The following IARS2 variants were observed in gnomAD, a reference collection of about 807,000 sequenced individuals.
IARS2 encodes isoleucyl-tRNA synthetase 2, mitochondrial, also known as isoleucine--tRNA ligase, mitochondrial.
In IARS2, 56 loss-of-function variants were observed where a neutral mutation model predicts 126.3. The ratio of observed to expected loss-of-function variants is 0.44; its 90% confidence interval spans 0.36 to 0.55. The LOEUF is 0.55. Among genes scored for constraint, IARS2 ranks in the 20% least tolerant of loss-of-function variants. The probability of loss-of-function intolerance (pLI) is 0.00; values close to 1 mark genes in which losing one functional copy is unlikely to be tolerated. For synonymous variants in IARS2, 407 were observed against 441.1 expected, an observed-to-expected ratio of 0.92 and a Z score of 0.97; for missense variants, 1,127 against 1,245.9, an observed-to-expected ratio of 0.90 and a Z score of 1.44.
intron 13 of IARS2, among the ~76,000 whole-genome samples, chr1:220,125,966 G>GT (rs1657146790): frequency 6.6e-6 from 1 of 151,794 alleles, no homozygotes; most frequent in Admixed American, 6.6e-5. Context: ...AATTAGCTGG[G>GT]TGCGATGGTG....
chr1:220,098,747 G>A (rs1035504983), intron 2 of IARS2, among the ~76,000 whole-genome samples: 13 of 152,192 alleles, frequency 8.5e-5, no homozygotes, highest in Middle Eastern at 3.4e-3. Context: ...TGATACTGAG[G>A]AGTTAGTAAA....
In IARS2 at chr1:220,102,414, T is replaced by C; in HGVS notation, c.749+2T>C. 1 of 1,613,600 alleles carries C rather than the reference T, an allele frequency of 6.2e-7. No individual in the cohort carries two copies. The highest frequency in any genetic ancestry group is 1.1e-5 in the South Asian group (1 of 90,904). On this transcript the variant is annotated splice_donor_variant, in intron 5 of 22. Transcript: ENST00000366922. LOFTEE classifies it high-confidence loss of function. ...TGTGTTTTGGTCTCCGTCATCTAGG[T>C]ATATATGCATTTTTCGGTAATTAAA...
chr1:220,105,703 G>A (rs1473007673), intron 8 of IARS2, among the ~76,000 whole-genome samples, 188 bp from the exon 9 acceptor site: 3 of 152,144 alleles, frequency 2.0e-5, no homozygotes, highest in Non-Finnish European at 4.4e-5. Flanking sequence ...TCTGAGGTGG[G>A]AACCATAATT....
chr1:220,139,471 T>G (rs560978578), intron 18 of IARS2, among the ~76,000 whole-genome samples: 7 of 152,344 alleles, frequency 4.6e-5, no homozygotes, highest in African/African-American at 7.2e-5. Flanking sequence ...GTTTTCTGGC[T>G]GGGTGTGGAA....
Position 220,134,521 on chromosome 1 carries a change from A to T in IARS2, c.1946+11A>T. The stretch of plus-strand genomic sequence containing the variant: ...GAGAGCACCTTATAAGTAAGTATTT[A>T]TGCCTGAACCAACCTGCTGAGTACC... On this transcript the variant is annotated intron_variant, in intron 15 of 22. Coordinates refer to ENST00000366922, the MANE Select transcript of IARS2 (RefSeq NM_018060.4). The T allele has an allele frequency of 1.3e-6, 2 of 1,571,496 alleles. No homozygotes were observed. Among genetic ancestry groups the T allele is most frequent in the Non-Finnish European group, 1.7e-6 (2 of 1,145,542 alleles).
At position 220,126,864 on chromosome 1, in the gene IARS2, T is replaced by C. The variant is rs145161844; in HGVS notation, c.1837+21T>C. The C allele has an allele frequency of 1.2e-4, 189 of 1,527,870 alleles. 1 individual carries two copies. The African/African-American group carries it at 2.0e-3, about 16-fold the overall frequency. The allele number at this position is 1,527,870 out of a possible 1,614,324, so 94.6% of individuals were successfully genotyped here. A position where few individuals can be genotyped will look rare whatever the true frequency, so the allele number is the denominator to read the frequency against. On this transcript the variant is annotated intron_variant, in intron 14 of 22. Transcript: ENST00000366922. ...TCCAGGTAATTCTTAAAAATAGATA[T>C]ATGCCGATCAAGAAGTTTTGAAAAT...
intron 12 of IARS2, among the ~76,000 whole-genome samples, chr1:220,116,114 C>T (rs1343599690): frequency 1.3e-5 from 2 of 152,000 alleles, no homozygotes; most frequent in Admixed American, 6.6e-5. Context: ...GAGGCTAAGG[C>T]GAGAGGATCG....
intron 14 of IARS2, among the ~76,000 whole-genome samples, chr1:220,127,624 AC>A (rs1657180968): frequency 6.6e-6 from 1 of 152,214 alleles, no homozygotes; most frequent in Non-Finnish European, 1.5e-5. Context: ...TCACACTCCT[AC>A]TAAGGGCCAG....
intron 15 of IARS2, among the ~76,000 whole-genome samples, chr1:220,135,122 A>G (rs2102837525): frequency 6.6e-6 from 1 of 152,260 alleles, no homozygotes; most frequent in African/African-American, 2.4e-5. Context: ...GTAGGGAAGG[A>G]TATTCAAGGT....
rs550361327 is a variant in IARS2, at chr1:220,145,025, A to G, written c.2752-484A>G. ...GTTCAGATTGCCACTATCAGTATACATTACTAAAAGCTGGTACCTGTTGAG... is the reference window on the plus strand; with the variant it reads ...GTTCAGATTGCCACTATCAGTATACGTTACTAAAAGCTGGTACCTGTTGAG... On this transcript the variant is annotated intron_variant, in intron 21 of 22. Coordinates refer to ENST00000366922, the MANE Select transcript of IARS2 (RefSeq NM_018060.4). Among the ~76,000 whole-genome samples, 11 of 151,880 alleles carry G rather than the reference A, an allele frequency of 7.2e-5. No homozygotes were observed. The East Asian group carries it at 1.7e-3, about 24-fold the overall frequency.
chr1:220,113,329 T>A (rs1009188736), intron 11 of IARS2, among the ~76,000 whole-genome samples: 12 of 152,210 alleles, frequency 7.9e-5, no homozygotes, highest in African/African-American at 2.4e-4. Flanking sequence ...ATTCTGCCAA[T>A]AGGTGGTGCT....
chr1:220,120,975 T>C (rs1324251666), intron 12 of IARS2, among the ~76,000 whole-genome samples: 1 of 152,178 alleles, frequency 6.6e-6, no homozygotes, highest in African/African-American at 2.4e-5. Flanking sequence ...TCTTGCTCTC[T>C]AAATATTAGT....
intron 12 of IARS2, among the ~76,000 whole-genome samples, chr1:220,122,024 A>G (rs527907898): frequency 3.9e-5 from 6 of 152,292 alleles, no homozygotes; most frequent in Non-Finnish European, 7.4e-5. Context: ...CAGGAGTTCA[A>G]GGCTTCAAGT....
intron 21 of IARS2, 38 bp downstream of exon 21, chr1:220,143,172 A>T: frequency 6.8e-7 from 1 of 1,469,704 alleles, no homozygotes; most frequent in African/African-American, 1.4e-5. Context: ...TGGTGTTAGT[A>T]TCATAGAGCT....
At chr1:220,138,804 T>G (rs1342694921) in intron 17 of IARS2, among the ~76,000 whole-genome samples, 1 of 152,182 alleles carries the variant, frequency 6.6e-6, no homozygotes, top group Non-Finnish European at 1.5e-5. Context: ...ATCCAGTGGT[T>G]GTTCCTATAA....
At chr1:220,113,775 G>T (rs1440758305) in intron 11 of IARS2, among the ~76,000 whole-genome samples, 1 of 152,096 alleles carries the variant, frequency 6.6e-6, no homozygotes, top group Middle Eastern at 3.2e-3. Flanking sequence ...CTACCAAAAT[G>T]CTGGGATTAC....
At chr1:220,106,896 T>TA (rs1656692593) in intron 9 of IARS2, among the ~76,000 whole-genome samples, 165 bp from the exon 10 acceptor site, 1 of 152,126 alleles carries the variant, frequency 6.6e-6, no homozygotes, top group African/African-American at 2.4e-5. Flanking sequence ...CCTCCCAAAG[T>TA]GCTGGGATTA....
At chr1:220,137,371 A>G (rs1003740815) in intron 16 of IARS2, among the ~76,000 whole-genome samples, 3 of 152,232 alleles carry the variant, frequency 2.0e-5, no homozygotes, top group African/African-American at 7.2e-5. Flanking sequence ...GTTGAAAATT[A>G]TACACTTTAA....
intron 12 of IARS2, 52 bp from the exon 13 acceptor site, chr1:220,125,185 T>C (rs1657127681): frequency 4.0e-6 from 4 of 1,011,816 alleles, no homozygotes; most frequent in Non-Finnish European, 5.9e-6. Flanking sequence ...AAATGTTTGT[T>C]ATTCATCACA....
Sources: allele counts gnomAD v4.1 joint callset (sites outside exome capture counted in the v4.1 genomes callset), GRCh38; gene constraint gnomAD v4.1.1; transcripts MANE v1.5; gene names NCBI Gene and HGNC (gene_info 2026-07-23, HGNC 2026-07-21).